The following CHST15 variants were observed in gnomAD, a reference collection of about 807,000 sequenced individuals.
The protein encoded by CHST15 is B cell RAG associated protein (GALNAC4S-6ST).
A neutral mutation model predicts 53.6 loss-of-function variants in CHST15; 30 were observed. That is an observed-to-expected ratio of 0.56 (90% confidence interval 0.42 to 0.76). CHST15 has a LOEUF of 0.76. Ranked by LOEUF, CHST15 falls within the 30% of genes least tolerant of loss-of-function variation. The pLI, the probability that CHST15 is intolerant of heterozygous loss-of-function variation, is 0.00. For missense variants in CHST15, 627 were observed against 740.5 expected, an observed-to-expected ratio of 0.85 and a Z score of 1.78; for synonymous variants, 296 against 289.8, an observed-to-expected ratio of 1.02 and a Z score of -0.22.
intron 1 of CHST15, chr10:124,092,317 G>C (rs560683465): frequency 6.6e-6 from 1 of 152,656 alleles, no homozygotes; most frequent in East Asian, 1.9e-4. Flanking sequence ...CCCGCCTCTG[G>C]CCTCACCGCG....
intron 1 of CHST15, among the ~76,000 whole-genome samples, chr10:124,068,638 A>G (rs915595324): frequency 6.6e-6 from 1 of 152,226 alleles, no homozygotes; most frequent in Non-Finnish European, 1.5e-5. Flanking sequence ...CTAGTCCTTC[A>G]TATTCAAATC....
chr10:124,072,512 T>C (rs577698208), intron 1 of CHST15, among the ~76,000 whole-genome samples: 1 of 152,204 alleles, frequency 6.6e-6, no homozygotes, highest in African/African-American at 2.4e-5. Context: ...TGCAGAACCA[T>C]TTGGTTCTGA....
At chr10:124,011,829 A>C (rs1274791280) in intron 7 of CHST15, 1 of 985,282 alleles carries the variant, frequency 1.0e-6, no homozygotes, top group Non-Finnish European at 1.2e-6. Flanking sequence ...AGAATACCGG[A>C]GATGATGCAA....
At chr10:124,061,216 C>T (rs4929822) in intron 1 of CHST15, among the ~76,000 whole-genome samples, 109,233 of 152,072 alleles carry the variant, frequency 0.72, 40,083 homozygotes, top group African/African-American at 0.88. Context: ...TGTGCCCACC[C>T]AAATCTCAAC....
intron 4 of CHST15, among the ~76,000 whole-genome samples, chr10:124,039,175 G>A (rs937794226): frequency 4.6e-5 from 7 of 152,216 alleles, no homozygotes; most frequent in Admixed American, 1.3e-4. Flanking sequence ...CTATACAGTA[G>A]ATGGTTCTAG....
chr10:124,060,936 G>A (rs1948552617), intron 1 of CHST15, among the ~76,000 whole-genome samples: 1 of 152,160 alleles, frequency 6.6e-6, no homozygotes. Context: ...GAACCAGGAT[G>A]AGCTGCCATT....
intron 5 of CHST15, among the ~76,000 whole-genome samples, chr10:124,029,965 C>CT (rs1947162197): frequency 6.6e-6 from 1 of 152,228 alleles, no homozygotes; most frequent in Non-Finnish European, 1.5e-5. Context: ...CAACGGAGCT[C>CT]TTTTTCCCTA....
intron 1 of CHST15, among the ~76,000 whole-genome samples, chr10:124,080,588 A>G (rs771814715): frequency 6.6e-6 from 1 of 152,228 alleles, no homozygotes; most frequent in Non-Finnish European, 1.5e-5. Context: ...CAGGGCCTCA[A>G]TAAAGAGTTC....
intron 1 of CHST15, among the ~76,000 whole-genome samples, chr10:124,068,813 G>A (rs1048739958): frequency 6.6e-6 from 1 of 152,160 alleles, no homozygotes; most frequent in African/African-American, 2.4e-5. Flanking sequence ...GATTTTTAAA[G>A]TAAGACCTTA....
chr10:124,066,006 C>T (rs1373458789), intron 1 of CHST15, among the ~76,000 whole-genome samples: 5 of 152,122 alleles, frequency 3.3e-5, no homozygotes, highest in Middle Eastern at 3.4e-3. Flanking sequence ...ATCGAGTATT[C>T]GGAATCAACT....
At chr10:124,088,405 G>A (rs978036497) in intron 1 of CHST15, among the ~76,000 whole-genome samples, 5 of 152,334 alleles carry the variant, frequency 3.3e-5, no homozygotes, top group Non-Finnish European at 5.9e-5. Context: ...GGGCAGAAAC[G>A]CTGCAGGTCC....
At chr10:124,034,623 C>CT (rs1947358597) in intron 5 of CHST15, among the ~76,000 whole-genome samples, 6 of 123,920 alleles carry the variant, frequency 4.8e-5, no homozygotes, top group African/African-American at 2.4e-4. Context: ...ACCCTGGCTT[C>CT]ACCCCTGATA....
intron 5 of CHST15, among the ~76,000 whole-genome samples, chr10:124,034,875 C>T (rs1947390579): frequency 1.4e-5 from 2 of 141,918 alleles, no homozygotes; most frequent in Admixed American, 6.9e-5. Context: ...GCTCTACTCC[C>T]TAACAGGGAC....
intron 6 of CHST15, chr10:124,020,171 A>C (rs1946723971): frequency 1.0e-6 from 1 of 985,436 alleles, no homozygotes; most frequent in Non-Finnish European, 1.2e-6. Flanking sequence ...TGAACGCAGG[A>C]ATGCAAGACA....
chr10:124,044,070 A>ACACAGAGCAGGGAGCGG (rs1292126532), intron 3 of CHST15, among the ~76,000 whole-genome samples: 1 of 144,040 alleles, frequency 6.9e-6, no homozygotes. Flanking sequence ...CAGGGGAACA[A>ACACAGAGCAGGGAGCGG]CACAGAGCAG....
Position 124,021,299 on chromosome 10 carries a change from A to G in CHST15, c.1304T>C (p.Leu435Pro). ...GGTGTTGTTGTAGACGCAGGCGCGC[A>G]GTGAATAATCAAGCATGCAATTTTC... Reference protein sequence around the residue: ...LFENCMLDYSLRACVYNNTLN... With the variant: ...LFENCMLDYSPRACVYNNTLN... The change falls in exon 6 of 8, where the codon CTG (leucine) becomes CCG (proline). Residue 435 changes from leucine (L) to proline (P), a missense_variant. Leu to Pro is a moderately conservative substitution (Grantham distance 98, BLOSUM62 -3). Around this residue, in one of 3 missense-constraint regions of CHST15, gnomAD observed 279 missense variants for 371.6 expected, o/e 0.75. Coordinates refer to ENST00000435907, the MANE Select transcript of CHST15 (RefSeq NM_001270764.2). 3 of 1,613,292 alleles carry G rather than the reference A, an allele frequency of 1.9e-6. No individual in the cohort carries two copies. The highest frequency in any genetic ancestry group is 2.2e-5 in the East Asian group (1 of 44,840).
chr10:124,086,637 T>A (rs1056526537), intron 1 of CHST15, among the ~76,000 whole-genome samples: 1 of 150,802 alleles, frequency 6.6e-6, no homozygotes, highest in African/African-American at 2.4e-5. Flanking sequence ...AGCCATCGCA[T>A]GTGGATTTCC....
chr10:124,034,425 G>C (rs770915035), intron 5 of CHST15, among the ~76,000 whole-genome samples: 1 of 152,052 alleles, frequency 6.6e-6, no homozygotes, highest in Non-Finnish European at 1.5e-5. Context: ...GCACGGTGCT[G>C]CTGTCTTCTG....
intron 1 of CHST15, among the ~76,000 whole-genome samples, chr10:124,080,264 A>G (rs1372764940): frequency 6.6e-6 from 1 of 152,204 alleles, no homozygotes; most frequent in Admixed American, 6.5e-5. Flanking sequence ...CCGAGCATAA[A>G]TGAATCCCAT....
Sources: gnomAD v4.1 joint callset for allele counts (sites outside exome capture counted in the v4.1 genomes callset) on GRCh38, gnomAD v4.1.1 for gene constraint, gnomAD v4.1.1 regional missense constraint, MANE v1.5 for transcripts, NCBI Gene and HGNC (gene_info 2026-07-23, HGNC 2026-07-21) for gene names.